CDYL: variants seen among roughly 807,000 people sequenced by gnomAD.
The protein encoded by CDYL is chromodomain Y-like protein.
A neutral mutation model predicts 47.3 loss-of-function variants in CDYL; 8 were observed. The ratio of observed to expected loss-of-function variants is 0.17; its 90% CI spans 0.10 to 0.31. The LOEUF is 0.31. Among genes scored for constraint, CDYL ranks in the 10% least tolerant of loss-of-function variants. The pLI is 1.00. For synonymous variants in CDYL, 266 were observed against 265.0 expected (o/e 1.00, Z -0.04); for missense variants, 471 against 701.4 (o/e 0.67, Z 3.71).
chr6:4,894,417 C>T (rs1430166818), intron 2 of CDYL, among the ~76,000 whole-genome samples: 1 of 152,080 alleles, frequency 6.6e-6, no homozygotes, highest in African/African-American at 2.4e-5. Context: ...TTTGTATGAC[C>T]TGCAAGCTCA....
At chr6:4,777,483 T>G (rs1215033225) in intron 1 of CDYL, among the ~76,000 whole-genome samples, 1 of 152,150 alleles carries the variant, frequency 6.6e-6, no homozygotes, top group East Asian at 1.9e-4. Context: ...AGTTTGAGAG[T>G]TACCAATTTG....
intron 3 of CDYL, among the ~76,000 whole-genome samples, chr6:4,756,946 C>T (rs1758084772): frequency 6.6e-6 from 1 of 152,134 alleles, no homozygotes; most frequent in Non-Finnish European, 1.5e-5. Context: ...CCAATCCCTG[C>T]CATCCATGTA....
chr6:4,792,290 G>A (rs558221955), intron 1 of CDYL, among the ~76,000 whole-genome samples: 18 of 151,900 alleles, frequency 1.2e-4, no homozygotes, highest in Non-Finnish European at 1.8e-4. Flanking sequence ...GTATATAATA[G>A]ATTCTAATCT....
At position 4,895,480 on chromosome 6, in the gene CDYL, T is replaced by C. The variant is rs7772655; in HGVS notation, c.691+3101T>C. 8.6e-3 allele frequency among the ~76,000 whole-genome samples: 44 copies of C among 5,120 alleles called. 17 individuals are homozygous for C. In the Admixed American group the frequency reaches 0.1, roughly 12 times the overall value. 3.4% of individuals were successfully genotyped at this position (5,120 alleles called of 152,430 possible). A position where few individuals can be genotyped will look rare whatever the true frequency, so the allele number is the denominator to read the frequency against. On this transcript the variant is annotated intron_variant, in intron 2 of 6. Transcript: ENST00000397588. ...ACATGTATACATATATACGTATATA[T>C]GTATATATACATGTATACATATATA... is the stretch of plus-strand genomic sequence containing the variant.
At chr6:4,777,388 G>A (rs1403060547) in intron 1 of CDYL, among the ~76,000 whole-genome samples, 2 of 152,176 alleles carry the variant, frequency 1.3e-5, no homozygotes, top group African/African-American at 4.8e-5. Context: ...CTGATACACC[G>A]TCATTCATTT....
chr6:4,830,068 C>T (rs1431131254), intron 1 of CDYL, among the ~76,000 whole-genome samples: 2 of 152,054 alleles, frequency 1.3e-5, no homozygotes, highest in South Asian at 4.1e-4. Flanking sequence ...GAAGTCAGAG[C>T]TTCCTACTCT....
intron 2 of CDYL, among the ~76,000 whole-genome samples, chr6:4,933,922 G>A (rs1012520035): frequency 1.3e-5 from 2 of 152,216 alleles, no homozygotes; most frequent in Non-Finnish European, 2.9e-5. Flanking sequence ...TCCCTACCTT[G>A]GGCCTCGCCT....
chr6:4,761,245 T>G (rs1365174897), intron 3 of CDYL, among the ~76,000 whole-genome samples: 1 of 152,180 alleles, frequency 6.6e-6, no homozygotes, highest in Non-Finnish European at 1.5e-5. Context: ...TTTAAACATA[T>G]CCTTTCAAAG....
At chr6:4,751,500 A>C (rs1165183411) in intron 3 of CDYL, among the ~76,000 whole-genome samples, 1 of 152,204 alleles carries the variant, frequency 6.6e-6, no homozygotes, top group Non-Finnish European at 1.5e-5. Flanking sequence ...CCTTTGTAAA[A>C]TGTATTGACA....
At chr6:4,732,864 T>C (rs188419995) in intron 2 of CDYL, among the ~76,000 whole-genome samples, 143 of 150,910 alleles carry the variant, frequency 9.5e-4, no homozygotes, top group African/African-American at 3.4e-3. Context: ...TTAGATGGAG[T>C]ATTTGGCTGA....
intron 1 of CDYL, among the ~76,000 whole-genome samples, chr6:4,871,686 T>TCCC (rs1761478904): frequency 6.6e-6 from 1 of 152,112 alleles, no homozygotes; most frequent in Non-Finnish European, 1.5e-5. Flanking sequence ...GGATTTTTTG[T>TCCC]AAAATTTATA....
At chr6:4,853,262 T>C (rs762850569) in intron 1 of CDYL, among the ~76,000 whole-genome samples, 14 of 152,214 alleles carry the variant, frequency 9.2e-5, no homozygotes, top group Non-Finnish European at 1.9e-4. Context: ...TTAAAAGAAT[T>C]ACCACATTCA....
intron 1 of CDYL, among the ~76,000 whole-genome samples, chr6:4,884,810 C>G (rs1351531351): frequency 2.6e-5 from 4 of 152,134 alleles, no homozygotes; most frequent in Non-Finnish European, 5.9e-5. Context: ...TTGTATTGCC[C>G]TGTAGGAATT....
At chr6:4,791,808 T>A (rs1164445554) in intron 1 of CDYL, among the ~76,000 whole-genome samples, 1 of 152,094 alleles carries the variant, frequency 6.6e-6, no homozygotes, top group Non-Finnish European at 1.5e-5. Context: ...AGTTAACAGT[T>A]ATTTCATAAA....
At chr6:4,895,035 ATG>A (rs1401903251) in intron 2 of CDYL, among the ~76,000 whole-genome samples, 1 of 151,318 alleles carries the variant, frequency 6.6e-6, no homozygotes, top group Non-Finnish European at 1.5e-5. Flanking sequence ...ATGTGTATAT[ATG>A]TATCTATATA....
chr6:4,871,979 G>A (rs536264655), intron 1 of CDYL, among the ~76,000 whole-genome samples: 1 of 152,274 alleles, frequency 6.6e-6, no homozygotes, highest in East Asian at 1.9e-4. Context: ...TGCAGTTTGG[G>A]TTTCTGACCA....
intron 2 of CDYL, among the ~76,000 whole-genome samples, chr6:4,723,964 G>T (rs1047462090): frequency 6.6e-6 from 1 of 150,834 alleles, no homozygotes; most frequent in Non-Finnish European, 1.5e-5. Context: ...GGGATTAAAA[G>T]AGAGATTTAT....
chr6:4,932,399 A>C (rs13208366), intron 2 of CDYL, among the ~76,000 whole-genome samples: 95,045 of 151,936 alleles, frequency 0.63, 31,812 homozygotes, highest in Middle Eastern at 0.86. Context: ...CATCCCATTC[A>C]TGAGGGCCCC....
At chr6:4,907,095 A>G (rs548543026) in intron 2 of CDYL, among the ~76,000 whole-genome samples, 6 of 152,320 alleles carry the variant, frequency 3.9e-5, no homozygotes, top group African/African-American at 9.6e-5. Context: ...CCTCGCCACA[A>G]TCTTCAGAGT....
Sources: allele counts gnomAD v4.1 joint callset (sites outside exome capture counted in the v4.1 genomes callset), GRCh38; gene constraint gnomAD v4.1.1; transcripts MANE v1.5; gene names NCBI Gene and HGNC (gene_info 2026-07-23, HGNC 2026-07-21).